Variants in PLEC observed in about 807,000 individuals in gnomAD.
PLEC encodes the protein hemidesmosomal protein 1.
A neutral mutation model predicts 392.8 loss-of-function variants in PLEC; 216 were observed. That is an observed-to-expected ratio of 0.55 (90% confidence interval 0.49 to 0.62). The LOEUF (loss-of-function observed/expected upper bound fraction) is 0.62. Ranked by LOEUF, PLEC falls within the 20% of genes least tolerant of loss-of-function variation. The pLI is 0.00. For missense variants in PLEC, 6,863 were observed against 6,563.4 expected (o/e 1.05, Z -1.58); for synonymous variants, 3,621 against 2,980.6 (o/e 1.21, Z -7.00).
Position 143,918,390 on chromosome 8 carries a change from C to T in PLEC, c.11431G>A (p.Asp3811Asn). ...GGAAGGTGGAAGCCCAGGCGGGGGT[C>T]CACGATGCCGCCGGTGGCCAGCTGG... ...DAQLATGGIV[D>N]PRLGFHLPLE... is the part of the protein sequence containing the mutation. The change falls in exon 32 of 32, where the codon GAC (aspartate) becomes AAC (asparagine). Residue 3811 changes from aspartate (D) to asparagine (N), a missense_variant. Transcript: ENST00000345136. The T allele has an allele frequency of 2.6e-6, 4 of 1,565,886 alleles. No homozygotes were observed. Among genetic ancestry groups the T allele is most frequent in the Non-Finnish European group, 2.6e-6 (3 of 1,161,258 alleles).
chr8:143,927,713 A>C lies in PLEC; in HGVS notation c.3453T>G (p.Asp1151Glu). 1 of 1,590,172 alleles carries C rather than the reference A, an allele frequency of 6.3e-7. No homozygotes were observed. Among genetic ancestry groups the C allele is most frequent in the Non-Finnish European group, 8.6e-7 (1 of 1,166,908 alleles). ...CCACCTCCTGTGCCCCCCGCAGCTC[A>C]TCCCGCAGGGCGTCGAACGTGGGCT... ...AQQPTFDALR[D>E]ELRGAQEVGE... The change falls in exon 27 of 32, where the codon GAT becomes GAG. Residue 1151 changes from aspartate (D) to glutamate (E), a missense_variant. Transcript: ENST00000345136.
Position 143,921,292 on chromosome 8 carries a change from C to CAGG in PLEC, c.8526_8528dup (p.Leu2843dup). The CAGG allele has an allele frequency of 6.2e-7, 1 of 1,614,058 alleles. No homozygotes were observed. Among genetic ancestry groups the CAGG allele is most frequent in the Non-Finnish European group, 8.5e-7 (1 of 1,180,042 alleles). On this transcript the variant is annotated inframe_insertion, in exon 32 of 32. Transcript: ENST00000345136. Reference sequence around the variant, plus strand: ...CCTTGGTGTCGTCGCTGGGGTCCGCCAGGACGCGGTTCATCTCCTCGTCGA... The same window carrying CAGG: ...CCTTGGTGTCGTCGCTGGGGTCCGCCAGGAGGACGCGGTTCATCTCCTCGTCGA...
chr8:143,960,965 G>A (rs782012202), intron 1 of PLEC, among the ~76,000 whole-genome samples: 17 of 152,282 alleles, frequency 1.1e-4, no homozygotes, highest in Non-Finnish European at 2.2e-4. Flanking sequence ...CGCTCTGCAC[G>A]GGGACCGTGA....
In PLEC at chr8:143,921,927, C is replaced by T; in HGVS notation, c.7894G>A (p.Ala2632Thr). Residue 2632 changes from alanine (A) to threonine (T), a missense_variant, in exon 32 of 32, where the codon GCA (alanine) becomes ACA (threonine). By Grantham distance (58) the Ala-to-Thr change is moderately conservative (BLOSUM62 0). Transcript: ENST00000345136. Reference protein sequence around the residue: ...ATKTLPNGRDALDGPAAEAEP... With the variant: ...ATKTLPNGRDTLDGPAAEAEP... ...GCCTCTGCCGCGGGGCCATCAAGTG[C>T]ATCCCGGCCATTGGGCAGGGTCTTT... 1 of 1,599,464 alleles carries T rather than the reference C, an allele frequency of 6.3e-7. No individual in the cohort carries two copies.
upstream of PLEC, among the ~76,000 whole-genome samples, chr8:143,939,799 C>A (rs1830096542): frequency 6.9e-6 from 1 of 144,312 alleles, no homozygotes; most frequent in Non-Finnish European, 1.6e-5. Context: ...ACTGCAGCCC[C>A]CTAGGGGGAC....
intron 1 of PLEC, chr8:143,946,359 G>A: frequency 7.8e-7 from 1 of 1,288,910 alleles, no homozygotes; most frequent in Non-Finnish European, 1.0e-6. Context: ...CCTTGGCCCA[G>A]CTGAATCAGC....
At chr8:143,938,358 C>T in intron 2 of PLEC, 118 bp from the exon 3 acceptor site, 1 of 1,536,206 alleles carries the variant, frequency 6.5e-7, no homozygotes. Context: ...GCTGAGTCTC[C>T]CGGGAGCCCA....
exon 1 of PLEC, chr8:143,950,875 T>TC: frequency 7.3e-7 from 1 of 1,377,228 alleles, no homozygotes; most frequent in African/African-American, 1.5e-5. Context: ...GGGCGCGGGC[T>TC]CCCGGCTGTG....
chr8:143,932,488 A>G lies in PLEC; in HGVS notation c.1889T>C (p.Met630Thr), dbSNP rs1827639148. Reference protein sequence around the residue: ...SFVAAATKELMWLNEKEEEEV... With the variant: ...SFVAAATKELTWLNEKEEEEV... ...CTCCTCCTCCTTCTCATTCAGCCAC[A>G]TTAGCTCCTTAGTGGCGGCTGCCAC... Residue 630 changes from methionine to threonine, a missense_variant, in exon 16 of 32, where the codon ATG (methionine) becomes ACG (threonine). Met to Thr is a moderately conservative substitution (Grantham distance 81). Coordinates refer to ENST00000345136, the MANE Select transcript of PLEC (RefSeq NM_201384.3). 6.2e-7 allele frequency: 1 copy of G among 1,612,662 alleles called. No homozygotes were observed. Among genetic ancestry groups the G allele is most frequent in the Admixed American group, 1.7e-5 (1 of 60,022 alleles).
rs185082202 is a variant in PLEC, at chr8:143,924,055, C to T, written c.5874G>A (p.Thr1958=). 124 of 1,596,912 alleles carry T rather than the reference C, an allele frequency of 7.8e-5. No homozygotes were observed. In the African/African-American group the frequency reaches 1.3e-3, roughly 17 times the overall value. The part of the protein sequence containing the change: ...LGRIRSNAED[T]LRSKEQAELE... Reference sequence around the variant, plus strand: ...GCTCGGCCTGCTCCTTGCTGCGCAGCGTGTCCTCCGCGTTGCTGCGGATGC... The same window carrying T: ...GCTCGGCCTGCTCCTTGCTGCGCAGTGTGTCCTCCGCGTTGCTGCGGATGC... Residue 1958 remains threonine (T), a synonymous_variant, in exon 31 of 32, where the codon ACG becomes ACA. Coordinates refer to ENST00000345136, the MANE Select transcript of PLEC (RefSeq NM_201384.3).
chr8:143,931,600 A>T lies in PLEC; in HGVS notation c.2238T>A (p.Arg746=). Residue 746 remains arginine, a synonymous_variant, in exon 19 of 32, where the codon CGT becomes CGA. Transcript: ENST00000345136. Reference sequence around the variant, plus strand: ...CGGAGCGATCACAACTGTATTTCCTACGCAGTGCCTCCTGCAGCTTCTGCA... The same window carrying T: ...CGGAGCGATCACAACTGTATTTCCTTCGCAGTGCCTCCTGCAGCTTCTGCA... The part of the protein sequence containing the change: ...GQLQKLQEAL[R]RKYSCDRSAT... The T allele has an allele frequency of 1.2e-6, 2 of 1,600,252 alleles. No homozygotes were observed. Among genetic ancestry groups the T allele is most frequent in the Non-Finnish European group, 1.7e-6 (2 of 1,173,916 alleles).
rs782158467 is a variant in PLEC, at chr8:143,929,743, G to C, written c.2826C>G (p.Asp942Glu). 1 of 1,599,634 alleles carries C rather than the reference G, an allele frequency of 6.3e-7. No homozygotes were observed. The highest frequency in any genetic ancestry group is 1.7e-5 in the Admixed American group (1 of 59,784). Reference protein sequence around the residue: ...HYQAFLRDSQDAGGFGPEDRL... With the variant: ...HYQAFLRDSQEAGGFGPEDRL... ...GGTCCTCGGGTCCGAAGCCGCCCGC[G>C]TCCTGGCTGTCCCGCAGGAAGGCCT... The change falls in exon 23 of 32, where the codon GAC (aspartate) becomes GAG (glutamate). Residue 942 changes from aspartate (D) to glutamate (E), a missense_variant. Coordinates refer to ENST00000345136, the MANE Select transcript of PLEC (RefSeq NM_201384.3).
Position 143,918,471 on chromosome 8 carries a change from G to C in PLEC, c.11350C>G (p.Gln3784Glu). The change falls in exon 32 of 32, where the codon CAG becomes GAG. Residue 3784 changes from glutamine to glutamate, a missense_variant. Gln to Glu is a conservative substitution (Grantham distance 29). Coordinates refer to ENST00000345136, the MANE Select transcript of PLEC (RefSeq NM_201384.3). ...PYTEQTISLF[Q>E]AMKKELIPTE... ...GGGATCAGCTCCTTCTTCATGGCCT[G>C]GAAGAGCGAGATGGTCTGCTCGGTG... 2 of 1,593,796 alleles carry C rather than the reference G, an allele frequency of 1.3e-6. No homozygotes were observed. The highest frequency in any genetic ancestry group is 1.7e-6 in the Non-Finnish European group (2 of 1,171,756).
chr8:143,943,961 CCT>C, upstream of PLEC: 1 of 1,564,350 alleles, frequency 6.4e-7, no homozygotes, highest in Non-Finnish European at 8.6e-7. Context: ...TAGACAGCCC[CCT>C]CCCTGCGTGC....
At chr8:143,941,489 G>A (rs576373304), upstream of PLEC, among the ~76,000 whole-genome samples, 75 of 152,246 alleles carry the variant, frequency 4.9e-4, 1 homozygote, top group Admixed American at 3.0e-3. Flanking sequence ...ACGGACTCGG[G>A]CAAGGCTGGG....
At chr8:143,949,195 C>G (rs907918275) in intron 1 of PLEC, among the ~76,000 whole-genome samples, 10 of 152,246 alleles carry the variant, frequency 6.6e-5, no homozygotes, top group East Asian at 1.9e-4. Flanking sequence ...TGGGCCCCCT[C>G]CCCCACACCC....
chr8:143,920,808 G>A lies in PLEC; in HGVS notation c.9013C>T (p.Arg3005Cys), dbSNP rs373714281. The A allele has an allele frequency of 1.3e-5, 21 of 1,607,750 alleles. No individual in the cohort carries two copies. Among genetic ancestry groups the A allele is most frequent in the African/African-American group, 9.3e-5 (7 of 74,914 alleles). ...ACCTCGGCTACGTCTCGCACAGAGCGCTCACCTCGCTGCAGCTGCTGGTAG... is the reference window on the plus strand; with the variant it reads ...ACCTCGGCTACGTCTCGCACAGAGCACTCACCTCGCTGCAGCTGCTGGTAG... ...ELYQQLQRGE[R>C]SVRDVAEVDT... The change falls in exon 32 of 32, where the codon CGC becomes TGC. Residue 3005 changes from arginine (R) to cysteine (C), a missense_variant. Physicochemically the swap from Arg to Cys is radical, Grantham distance 180 (BLOSUM62 -3). Coordinates refer to ENST00000345136, the MANE Select transcript of PLEC (RefSeq NM_201384.3).
Position 143,919,225 on chromosome 8 carries a change from C to A in PLEC, c.10596G>T (p.Glu3532Asp), listed in dbSNP as rs1554677553. The A allele has an allele frequency of 6.2e-7, 1 of 1,613,784 alleles. No individual in the cohort carries two copies. The highest frequency in any genetic ancestry group is 1.7e-5 in the Admixed American group (1 of 59,996). Residue 3532 changes from glutamate (E) to aspartate (D), a missense_variant, in exon 32 of 32, where the codon GAG becomes GAT. Glu to Asp is a conservative substitution (Grantham distance 45). Coordinates refer to ENST00000345136, the MANE Select transcript of PLEC (RefSeq NM_201384.3). ...GAAGGCGCAAGCCCGTCTCGGGGTCCTCCACGCACCGCTCCAGCAGCTGCC... is the reference window on the plus strand; with the variant it reads ...GAAGGCGCAAGCCCGTCTCGGGGTCATCCACGCACCGCTCCAGCAGCTGCC... ...TYRQLLERCV[E>D]DPETGLRLLP... is the part of the protein sequence containing the mutation.
chr8:143,918,870 C>T lies in PLEC; in HGVS notation c.10951G>A (p.Asp3651Asn). Residue 3651 changes from aspartate (D) to asparagine (N), a missense_variant, in exon 32 of 32, where the codon GAC (aspartate) becomes AAC (asparagine). Coordinates refer to ENST00000345136, the MANE Select transcript of PLEC (RefSeq NM_201384.3). The part of the protein sequence containing the change: ...DYVRRRLTAE[D>N]LFEARIISLE... ...GAGATGATCCGAGCCTCGAACAGGTCCTCAGCCGTGAGGCGGCGGCGCACG... is the reference window on the plus strand; with the variant it reads ...GAGATGATCCGAGCCTCGAACAGGTTCTCAGCCGTGAGGCGGCGGCGCACG... 3.1e-6 allele frequency: 5 copies of T among 1,612,852 alleles called. No homozygotes were observed. The highest frequency in any genetic ancestry group is 4.5e-5 in the East Asian group (2 of 44,864).
Sources: allele counts gnomAD v4.1 joint callset (sites outside exome capture counted in the v4.1 genomes callset), GRCh38; gene constraint gnomAD v4.1.1; transcripts MANE v1.5; gene names NCBI Gene and HGNC (gene_info 2026-07-23, HGNC 2026-07-21).